The following LRP1B variants were observed in gnomAD, a reference collection of about 807,000 sequenced individuals.
LRP1B encodes LDL receptor related protein 1B.
A neutral mutation model predicts 556.6 loss-of-function variants in LRP1B; 217 were observed. That is an observed-to-expected ratio of 0.39 (90% CI 0.35 to 0.44). The LOEUF (loss-of-function observed/expected upper bound fraction) is 0.44, where lower values mean the gene tolerates loss of function less well. Among genes scored for constraint, LRP1B ranks in the 20% least tolerant of loss-of-function variants. The pLI, the probability that LRP1B is intolerant of heterozygous loss-of-function variation, is 1.00. For missense variants in LRP1B, 5,053 were observed against 5,620.8 expected (o/e 0.90, Z 3.23); for synonymous variants, 2,047 against 1,865.8 (o/e 1.10, Z -2.50).
intron 1 of LRP1B, among the ~76,000 whole-genome samples, chr2:141,819,430 C>T (rs1696681614): frequency 6.6e-6 from 1 of 152,090 alleles, no homozygotes; most frequent in South Asian, 2.1e-4. Flanking sequence ...TTCACGTTTG[C>T]AATAACGTAA....
At chr2:141,410,151 C>T (rs1258577338) in intron 3 of LRP1B, among the ~76,000 whole-genome samples, 2 of 151,960 alleles carry the variant, frequency 1.3e-5, no homozygotes, top group East Asian at 3.8e-4. Flanking sequence ...ATATGGCTTC[C>T]GACACCCAAG....
intron 4 of LRP1B, among the ~76,000 whole-genome samples, chr2:141,251,300 T>G (rs1684251451): frequency 6.6e-6 from 1 of 152,120 alleles, no homozygotes; most frequent in Admixed American, 6.6e-5. Flanking sequence ...ATATTTAAAG[T>G]TCTTTATGAA....
chr2:140,529,557 C>T (rs1179378793), intron 47 of LRP1B, among the ~76,000 whole-genome samples: 1 of 151,830 alleles, frequency 6.6e-6, no homozygotes, highest in Admixed American at 6.6e-5. Context: ...GAAGGAATGC[C>T]GATTTCTTCT....
chr2:141,084,447 TGTAA>T (rs1337673454), intron 7 of LRP1B, among the ~76,000 whole-genome samples: 1 of 152,212 alleles, frequency 6.6e-6, no homozygotes, highest in African/African-American at 2.4e-5. Context: ...AAATTGAAAG[TGTAA>T]GTAATAAACC....
At chr2:140,322,745 CTAGAGATTATTTCATCAGAAT>C (rs1488015370) in intron 81 of LRP1B, among the ~76,000 whole-genome samples, 6 of 151,808 alleles carry the variant, frequency 4.0e-5, no homozygotes, top group African/African-American at 1.5e-4. Context: ...TTGACCTTTC[CTAGAGATTATTTCATCAGAAT>C]TAAACAGAAA....
chr2:141,983,118 G>A (rs1473784311), intron 1 of LRP1B, among the ~76,000 whole-genome samples: 1 of 152,164 alleles, frequency 6.6e-6, no homozygotes, highest in African/African-American at 2.4e-5. Context: ...AGAACCACAG[G>A]AGATGTTTTG....
At chr2:140,359,591 ATC>A (rs2105140216) in intron 72 of LRP1B, among the ~76,000 whole-genome samples, 1 of 151,714 alleles carries the variant, frequency 6.6e-6, no homozygotes, top group African/African-American at 2.4e-5. Flanking sequence ...AGCAGGAAGT[ATC>A]TGTCATTAGT....
intron 11 of LRP1B, 29 bp from the exon 12 acceptor site, chr2:141,020,131 A>G (rs1698023423): frequency 1.4e-6 from 2 of 1,421,144 alleles, no homozygotes; most frequent in African/African-American, 1.4e-5. Flanking sequence ...CAAGAAAGAA[A>G]TTGCTTTTAC....
In LRP1B at chr2:140,994,987, T is replaced by A. The variant is rs114545250; in HGVS notation, c.2504-852A>T. On this transcript the variant is annotated intron_variant, in intron 15 of 90. Transcript: ENST00000389484. ...TGTAAATTGGGTTATTCTTGCTGTA[T>A]ACAACTAAAACACTACTGAGAAGTG... is the stretch of plus-strand genomic sequence containing the variant. Among the ~76,000 whole-genome samples the A allele has an allele frequency of 4.6e-3, 699 of 152,096 alleles. 7 individuals are homozygous for A. The highest frequency in any genetic ancestry group is 0.016 in the African/African-American group (664 of 41,540).
At chr2:140,949,111 C>T (rs1427084728) in intron 20 of LRP1B, among the ~76,000 whole-genome samples, 1 of 152,096 alleles carries the variant, frequency 6.6e-6, no homozygotes, top group Non-Finnish European at 1.5e-5. Context: ...ATTCCCCTAC[C>T]CCTCCACACT....
At chr2:142,109,403 A>T in intron 1 of LRP1B, among the ~76,000 whole-genome samples, 1 of 152,132 alleles carries the variant, frequency 6.6e-6, no homozygotes, top group South Asian at 2.1e-4. Flanking sequence ...TATGATGTTA[A>T]CTCACTTGAA....
At chr2:141,583,653 T>C (rs1396837579) in intron 2 of LRP1B, among the ~76,000 whole-genome samples, 1 of 151,574 alleles carries the variant, frequency 6.6e-6, no homozygotes, top group Non-Finnish European at 1.5e-5. Context: ...AATAATTATA[T>C]ATATAAACTA....
chr2:141,350,050 A>C (rs1688390087), intron 3 of LRP1B, among the ~76,000 whole-genome samples: 1 of 152,052 alleles, frequency 6.6e-6, no homozygotes, highest in Admixed American at 6.6e-5. Context: ...GAGTTTGTGC[A>C]GGGAAACTCC....
chr2:140,967,710 T>C (rs894289202), intron 18 of LRP1B, among the ~76,000 whole-genome samples: 1 of 152,026 alleles, frequency 6.6e-6, no homozygotes, highest in Non-Finnish European at 1.5e-5. Flanking sequence ...TTGAGATATG[T>C]CCCATCAATA....
intron 18 of LRP1B, among the ~76,000 whole-genome samples, chr2:140,971,938 C>A (rs914725185): frequency 4.6e-5 from 7 of 152,188 alleles, no homozygotes; most frequent in African/African-American, 1.7e-4. Flanking sequence ...CAGGTAGGAG[C>A]CTTGGAATCT....
chr2:141,166,218 T>C (rs544085526), intron 7 of LRP1B, among the ~76,000 whole-genome samples: 4 of 152,096 alleles, frequency 2.6e-5, no homozygotes, highest in Admixed American at 2.0e-4. Flanking sequence ...CTCTCTTTCC[T>C]TAAGGTGACA....
intron 3 of LRP1B, among the ~76,000 whole-genome samples, chr2:141,367,412 G>A (rs1357946945): frequency 6.7e-6 from 1 of 148,324 alleles, no homozygotes; most frequent in Non-Finnish European, 1.5e-5. Context: ...ACTTTAAATG[G>A]ATAACAAAGC....
At chr2:141,711,727 C>T (rs937442312) in intron 2 of LRP1B, among the ~76,000 whole-genome samples, 2 of 152,124 alleles carry the variant, frequency 1.3e-5, no homozygotes, top group African/African-American at 4.8e-5. Context: ...CACTAAAGTC[C>T]TACTCACAGT....
chr2:140,908,680 A>G (rs1411331147), intron 21 of LRP1B, among the ~76,000 whole-genome samples: 1 of 151,390 alleles, frequency 6.6e-6, no homozygotes, highest in Admixed American at 6.6e-5. Context: ...ACTAACATGT[A>G]TAGACGGAAT....
Sources: allele counts gnomAD v4.1 joint callset (sites outside exome capture counted in the v4.1 genomes callset), GRCh38; gene constraint gnomAD v4.1.1; transcripts MANE v1.5; gene names NCBI Gene and HGNC (gene_info 2026-07-23, HGNC 2026-07-21).